The following CCNY variants were observed in gnomAD, a reference collection of about 807,000 sequenced individuals.
The protein encoded by CCNY is cyclin-Y.
A neutral mutation model predicts 42.8 loss-of-function variants in CCNY; 19 were observed. The ratio of observed to expected loss-of-function variants is 0.44; its 90% CI spans 0.31 to 0.65. The LOEUF is 0.65. Ranked by LOEUF, CCNY falls within the 30% of genes least tolerant of loss-of-function variation. CCNY has a pLI of 0.07. For missense variants in CCNY, 370 were observed against 437.3 expected, an observed-to-expected ratio of 0.85 and a Z score of 1.37; for synonymous variants, 165 against 162.7, an observed-to-expected ratio of 1.01 and a Z score of -0.11.
chr10:35,247,875 C>CAAAAAAAAAA (rs56166117), intron 1 of CCNY, among the ~76,000 whole-genome samples: 14 of 58,040 alleles, frequency 2.4e-4, no homozygotes, highest in Non-Finnish European at 3.4e-4. Context: ...GACTCCATCT[C>CAAAAAAAAAA]AAAAAAAAAA....
At chr10:35,357,183 C>T (rs1204158025) in intron 1 of CCNY, among the ~76,000 whole-genome samples, 1 of 151,170 alleles carries the variant, frequency 6.6e-6, no homozygotes, top group Non-Finnish European at 1.5e-5. Context: ...CCTGCCCCTG[C>T]CCCTGCCCCA....
intron 1 of CCNY, among the ~76,000 whole-genome samples, chr10:35,405,815 A>G (rs4934546): frequency 0.29 from 43,596 of 152,100 alleles, 6,568 homozygotes; most frequent in East Asian, 0.35. Context: ...GAAGGAGTCA[A>G]TCAGAGCCTT....
At chr10:35,263,356 CAAAAAAAAAA>C (rs71523372) in intron 3 of CCNY, among the ~76,000 whole-genome samples, 3 of 44,298 alleles carry the variant, frequency 6.8e-5, no homozygotes, top group Non-Finnish European at 8.3e-5. Flanking sequence ...GACTCCGTCT[CAAAAAAAAAA>C]AAAAAAAAAA....
chr10:35,426,942 T>C (rs1415590142), intron 1 of CCNY, among the ~76,000 whole-genome samples: 1 of 152,250 alleles, frequency 6.6e-6, no homozygotes, highest in Non-Finnish European at 1.5e-5. Context: ...GAAGAAGCCT[T>C]TGTGCCTCTG....
At chr10:35,526,417 A>T (rs1002610795) in intron 5 of CCNY, among the ~76,000 whole-genome samples, 1 of 152,230 alleles carries the variant, frequency 6.6e-6, no homozygotes, top group Non-Finnish European at 1.5e-5. Context: ...AACTATTTTA[A>T]TATAGAAGCC....
intron 1 of CCNY, among the ~76,000 whole-genome samples, chr10:35,351,816 T>C (rs1836435854): frequency 6.6e-6 from 1 of 152,200 alleles, no homozygotes; most frequent in South Asian, 2.1e-4. Flanking sequence ...AGGGAGAGTA[T>C]TTATAATAAG....
intron 7 of CCNY, among the ~76,000 whole-genome samples, chr10:35,546,053 T>C (rs1841108644): frequency 6.6e-6 from 1 of 152,118 alleles, no homozygotes; most frequent in Admixed American, 6.5e-5. Flanking sequence ...GGAATTAGGG[T>C]GTAATTGAGA....
At chr10:35,290,121 C>T (rs1054462901) in intron 3 of CCNY, among the ~76,000 whole-genome samples, 3 of 150,248 alleles carry the variant, frequency 2.0e-5, no homozygotes, top group East Asian at 2.0e-4. Context: ...AGCTACTCGG[C>T]GGGCTGAGGC....
At chr10:35,361,309 A>G (rs1589060780) in intron 1 of CCNY, among the ~76,000 whole-genome samples, 1 of 152,188 alleles carries the variant, frequency 6.6e-6, no homozygotes, top group East Asian at 1.9e-4. Flanking sequence ...GTCTTATTAT[A>G]AAAGTGTTGC....
chr10:35,262,828 G>A (rs1204687102), intron 3 of CCNY, among the ~76,000 whole-genome samples: 3 of 151,936 alleles, frequency 2.0e-5, no homozygotes, highest in African/African-American at 7.2e-5. Context: ...TTTCTCGGAA[G>A]AGTTTTAAAG....
intron 1 of CCNY, among the ~76,000 whole-genome samples, chr10:35,388,045 G>T (rs1837334473): frequency 6.6e-6 from 1 of 152,158 alleles, no homozygotes; most frequent in African/African-American, 2.4e-5. Context: ...GTGTTTTCAT[G>T]TTCCTTTAGC....
intron 1 of CCNY, among the ~76,000 whole-genome samples, chr10:35,419,060 C>T (rs1306086396): frequency 2.6e-5 from 4 of 152,062 alleles, no homozygotes; most frequent in Admixed American, 6.5e-5. Flanking sequence ...ACCTCGTGAT[C>T]AACCCGCCTC....
intron 1 of CCNY, among the ~76,000 whole-genome samples, chr10:35,350,099 A>G (rs991949439): frequency 1.3e-5 from 2 of 152,110 alleles, no homozygotes; most frequent in African/African-American, 4.8e-5. Flanking sequence ...CTTAGAACTA[A>G]CATTAGGTTC....
intron 3 of CCNY, among the ~76,000 whole-genome samples, chr10:35,324,526 T>C: frequency 6.6e-6 from 1 of 152,334 alleles, no homozygotes; most frequent in African/African-American, 2.4e-5. Context: ...AGGTATCTAC[T>C]GTGGTCTCAA....
At chr10:35,509,590 C>T (rs567571421) in intron 3 of CCNY, among the ~76,000 whole-genome samples, 5 of 152,258 alleles carry the variant, frequency 3.3e-5, no homozygotes, top group Non-Finnish European at 7.4e-5. Flanking sequence ...CCTTCTTTTT[C>T]TTTCTATGGA....
At chr10:35,541,943 A>T (rs1300871255) in intron 7 of CCNY, among the ~76,000 whole-genome samples, 1 of 149,664 alleles carries the variant, frequency 6.7e-6, no homozygotes, top group Non-Finnish European at 1.5e-5. Context: ...AGTTGTCGTT[A>T]CCCAGCATCC....
At chr10:35,472,937 T>G (rs1391773483) in intron 1 of CCNY, among the ~76,000 whole-genome samples, 1 of 152,134 alleles carries the variant, frequency 6.6e-6, no homozygotes, top group East Asian at 1.9e-4. Context: ...ACCTAGCATA[T>G]AGTGGAGACT....
At chr10:35,509,354 C>T (rs1840276233) in intron 3 of CCNY, among the ~76,000 whole-genome samples, 1 of 152,178 alleles carries the variant, frequency 6.6e-6, no homozygotes, top group Non-Finnish European at 1.5e-5. Context: ...TGGCTCACTG[C>T]AACCTCTGCC....
At chr10:35,291,010 CTT>C (rs60558997) in intron 3 of CCNY, among the ~76,000 whole-genome samples, 197 of 144,618 alleles carry the variant, frequency 1.4e-3, no homozygotes, top group African/African-American at 4.6e-3. Flanking sequence ...TGAAATATGA[CTT>C]TTTTTTTTTT....
Sources: gnomAD v4.1 joint callset for allele counts (sites outside exome capture counted in the v4.1 genomes callset) on GRCh38, gnomAD v4.1.1 for gene constraint, MANE v1.5 for transcripts, NCBI Gene and HGNC (gene_info 2026-07-23, HGNC 2026-07-21) for gene names.